Variants in NEGR1 observed in about 807,000 individuals in gnomAD.
The protein encoded by NEGR1 is IgLON family member 4.
NEGR1 carries 10 observed loss-of-function variants against 40.9 expected under a neutral mutation model. That is an observed-to-expected ratio of 0.24 (90% CI 0.15 to 0.42). NEGR1 has a LOEUF of 0.42. NEGR1 is among the 10% of genes least tolerant of loss of function. NEGR1 has a pLI of 1.00. For synonymous variants in NEGR1, 185 were observed against 166.8 expected, an observed-to-expected ratio of 1.11 and a Z score of -0.84; for missense variants, 352 against 438.9, an observed-to-expected ratio of 0.80 and a Z score of 1.77.
chr1:71,780,555 C>A (rs542846465), intron 2 of NEGR1, among the ~76,000 whole-genome samples: 28 of 152,290 alleles, frequency 1.8e-4, no homozygotes, highest in African/African-American at 6.0e-4. Context: ...GCTTTCTAAG[C>A]AACAGAGGTT....
At chr1:71,808,105 A>C (rs576456662) in intron 2 of NEGR1, among the ~76,000 whole-genome samples, 160 of 152,304 alleles carry the variant, frequency 1.1e-3, no homozygotes, top group African/African-American at 3.6e-3. Flanking sequence ...ATATCATACA[A>C]CTTTTTGCAA....
intron 4 of NEGR1, among the ~76,000 whole-genome samples, chr1:71,624,049 C>T (rs1650691055): frequency 6.6e-6 from 1 of 151,878 alleles, no homozygotes; most frequent in Non-Finnish European, 1.5e-5. Context: ...AGCTGATACT[C>T]TCCTTATAAT....
chr1:71,828,743 T>A (rs1658732136), intron 2 of NEGR1, among the ~76,000 whole-genome samples: 1 of 151,986 alleles, frequency 6.6e-6, no homozygotes, highest in African/African-American at 2.4e-5. Context: ...ACACCTGCTG[T>A]CCTGCACTCC....
chr1:71,829,042 A>T (rs760712785), intron 2 of NEGR1, among the ~76,000 whole-genome samples: 1 of 151,888 alleles, frequency 6.6e-6, no homozygotes, highest in African/African-American at 2.4e-5. Flanking sequence ...CTCACAGTCT[A>T]TTGCTACTAT....
intron 1 of NEGR1, among the ~76,000 whole-genome samples, chr1:72,216,845 C>CAT (rs1201849958): frequency 2.0e-5 from 3 of 151,458 alleles, no homozygotes; most frequent in South Asian, 4.2e-4. Context: ...TAGAATCTAT[C>CAT]ATATATATAC....
chr1:71,420,610 A>T (rs1021836665), intron 6 of NEGR1, among the ~76,000 whole-genome samples: 1 of 152,186 alleles, frequency 6.6e-6, no homozygotes, highest in African/African-American at 2.4e-5. Flanking sequence ...AAGCATAACT[A>T]AATCAGAATC....
intron 1 of NEGR1, among the ~76,000 whole-genome samples, chr1:72,267,023 G>A (rs771327732): frequency 2.7e-5 from 4 of 150,798 alleles, no homozygotes; most frequent in Middle Eastern, 3.2e-3. Flanking sequence ...TTATAATATC[G>A]ATGAAGGTTT....
At chr1:71,524,929 AATGCGGAAAATAGATTTTCTCCTAC>A (rs1647198954) in intron 6 of NEGR1, among the ~76,000 whole-genome samples, 1 of 151,724 alleles carries the variant, frequency 6.6e-6, no homozygotes, top group African/African-American at 2.4e-5. Flanking sequence ...GAAGTTGGAA[AATGCGGAAAATAGATTTTCTCCTAC>A]AGCTCCAGAA....
chr1:71,639,690 C>T (rs1171350535), intron 4 of NEGR1, among the ~76,000 whole-genome samples: 1 of 151,988 alleles, frequency 6.6e-6, no homozygotes, highest in South Asian at 2.1e-4. Flanking sequence ...TGTTTGGGCC[C>T]CAGGCATTTG....
intron 1 of NEGR1, among the ~76,000 whole-genome samples, chr1:71,953,188 T>C (rs1236012833): frequency 2.0e-5 from 3 of 151,986 alleles, no homozygotes; most frequent in Non-Finnish European, 2.9e-5. Flanking sequence ...TTTCCACAGA[T>C]AGTGATTTCT....
intron 6 of NEGR1, among the ~76,000 whole-genome samples, chr1:71,456,571 A>G (rs1367904542): frequency 6.6e-6 from 1 of 152,176 alleles, no homozygotes; most frequent in Non-Finnish European, 1.5e-5. Context: ...AATGTACTTT[A>G]ATCATTTTTT....
At chr1:72,005,152 C>T (rs943217870) in intron 1 of NEGR1, among the ~76,000 whole-genome samples, 11 of 152,042 alleles carry the variant, frequency 7.2e-5, no homozygotes, top group Non-Finnish European at 1.6e-4. Context: ...TTGAAAATAA[C>T]ATATTTGGCA....
rs201279247 is a variant in NEGR1, at chr1:72,114,167, A to AT, written c.176+168151dup. Among the ~76,000 whole-genome samples, 1,193 of 150,844 alleles carry AT rather than the reference A, an allele frequency of 7.9e-3. 14 individuals are homozygous for AT. The highest frequency in any genetic ancestry group is 0.028 in the African/African-American group (1,143 of 41,244). On this transcript the variant is annotated intron_variant, in intron 1 of 6. Coordinates refer to ENST00000357731, the MANE Select transcript of NEGR1 (RefSeq NM_173808.3). Reference sequence around the variant, plus strand: ...TGATATTGGATGTTTCTCTGAGGGTATTTTTTTTTAGATGAGATTAACATT... The same window carrying AT: ...TGATATTGGATGTTTCTCTGAGGGTATTTTTTTTTTAGATGAGATTAACATT...
intron 4 of NEGR1, among the ~76,000 whole-genome samples, chr1:71,676,418 T>C (rs1652639223): frequency 6.6e-6 from 1 of 152,100 alleles, no homozygotes; most frequent in Non-Finnish European, 1.5e-5. Flanking sequence ...CAAGCACCAG[T>C]GCGCTACAAA....
chr1:71,606,433 A>C (rs1448216927), intron 5 of NEGR1, among the ~76,000 whole-genome samples: 1 of 152,174 alleles, frequency 6.6e-6, no homozygotes, highest in African/African-American at 2.4e-5. Context: ...CATCCAGCCA[A>C]ACTGCTCCTG....
chr1:71,562,087 T>A (rs1422884217), intron 6 of NEGR1, among the ~76,000 whole-genome samples: 2 of 151,756 alleles, frequency 1.3e-5, no homozygotes, highest in African/African-American at 4.8e-5. Context: ...ATTAAAGTTC[T>A]TTATCTTGCC....
At chr1:71,832,969 GA>G (rs1658890646) in intron 2 of NEGR1, among the ~76,000 whole-genome samples, 1 of 151,954 alleles carries the variant, frequency 6.6e-6, no homozygotes, top group Admixed American at 6.6e-5. Flanking sequence ...ACTCAAAATG[GA>G]AAGAATCAGT....
intron 1 of NEGR1, among the ~76,000 whole-genome samples, chr1:72,122,250 A>G (rs938069514): frequency 5.3e-5 from 8 of 152,098 alleles, no homozygotes; most frequent in Non-Finnish European, 1.2e-4. Flanking sequence ...AGCTGTTCTC[A>G]TTTATAACAC....
chr1:71,898,962 A>T (rs28635234), intron 2 of NEGR1, among the ~76,000 whole-genome samples: 37,866 of 113,576 alleles, frequency 0.33, 6,691 homozygotes, highest in East Asian at 0.64. Context: ...ATATATATAT[A>T]GCATATATAT....
Sources: gnomAD v4.1 joint callset for allele counts (sites outside exome capture counted in the v4.1 genomes callset) on GRCh38, gnomAD v4.1.1 for gene constraint, MANE v1.5 for transcripts, NCBI Gene and HGNC (gene_info 2026-07-23, HGNC 2026-07-21) for gene names.